NTRK1: variants seen among roughly 807,000 people sequenced by gnomAD.
NTRK1 encodes the protein neurotrophic receptor tyrosine kinase 1.
Under a neutral mutation model 86.8 loss-of-function variants are expected in NTRK1, and 62 were observed. The observed-to-expected ratio is 0.71, with a 90% CI of 0.58 to 0.88. NTRK1 has a LOEUF of 0.88. Among genes scored for constraint, NTRK1 ranks in the 40% least tolerant of loss-of-function variants. NTRK1 has a pLI of 0.00. For synonymous variants in NTRK1, 469 were observed against 456.6 expected, an observed-to-expected ratio of 1.03 and a Z score of -0.35; for missense variants, 967 against 1,078.4, an observed-to-expected ratio of 0.90 and a Z score of 1.45.
chr1:156,824,480 G>T (rs929913069), intron 1 of NTRK1, among the ~76,000 whole-genome samples: 1 of 152,150 alleles, frequency 6.6e-6, no homozygotes, highest in Non-Finnish European at 1.5e-5. Flanking sequence ...TTACTTATGT[G>T]TTCTGAACCA....
upstream of NTRK1, among the ~76,000 whole-genome samples, chr1:156,857,157 CTGTGTA>C (rs1360134897): frequency 6.8e-3 from 823 of 121,286 alleles, 2 homozygotes; most frequent in South Asian, 9.7e-3. Flanking sequence ...TGCCCAGCAG[CTGTGTA>C]TGTGTGTGTG....
chr1:156,852,686 C>T (rs1018061408), intron 2 of NTRK1, among the ~76,000 whole-genome samples: 7 of 152,220 alleles, frequency 4.6e-5, no homozygotes, highest in Non-Finnish European at 7.3e-5. Context: ...CTCCAAGCAG[C>T]AGTGGGAGGG....
chr1:156,855,829 T>A (rs1408873696), upstream of NTRK1, among the ~76,000 whole-genome samples: 1 of 152,026 alleles, frequency 6.6e-6, no homozygotes, highest in Non-Finnish European at 1.5e-5. Flanking sequence ...TGTCTAAAAA[T>A]AATTATAATA....
intron 1 of NTRK1, chr1:156,815,986 C>A (rs149790796): frequency 1.3e-3 from 2,099 of 1,611,952 alleles, no homozygotes; most frequent in Non-Finnish European, 1.5e-3. Context: ...ACCACGCTGC[C>A]GCCCCAGGTT....
At chr1:156,845,556 CAAG>C in intron 2 of NTRK1, 1 of 1,442,840 alleles carries the variant, frequency 6.9e-7, no homozygotes, top group Non-Finnish European at 9.3e-7. Flanking sequence ...ACCCCTCCCG[CAAG>C]ACCCGCCCCT....
chr1:156,856,395 C>T (rs1655406159), upstream of NTRK1, among the ~76,000 whole-genome samples: 1 of 152,128 alleles, frequency 6.6e-6, no homozygotes, highest in African/African-American at 2.4e-5. Flanking sequence ...ATGCCTGTTC[C>T]CTGAATTAAT....
intron 2 of NTRK1, chr1:156,844,227 GCCCCA>G (rs1285524392): frequency 1.8e-5 from 29 of 1,613,970 alleles, no homozygotes; most frequent in Non-Finnish European, 2.5e-5. Flanking sequence ...AGCAGCGTGA[GCCCCA>G]CAGGGGTGGC....
chr1:156,832,074 G>A lies in NTRK1; in HGVS notation c.-63-10007G>A, dbSNP rs1013799070. On this transcript the variant is annotated intron_variant, in intron 1 of 16. Coordinates refer to the NTRK1 transcript ENST00000392302. ...ATGGTGGATTTTCCATTTGACGGGCGACTTCACCTGAGGATTGGAGAAGTA... is the reference window on the plus strand; with the variant it reads ...ATGGTGGATTTTCCATTTGACGGGCAACTTCACCTGAGGATTGGAGAAGTA... 7.2e-5 allele frequency among the ~76,000 whole-genome samples: 11 copies of A among 152,208 alleles called. 1 individual carries two copies. The highest frequency in any genetic ancestry group is 6.5e-4 in the Admixed American group (10 of 15,280).
At chr1:156,841,104 C>A in intron 1 of NTRK1, 1 of 1,556,570 alleles carries the variant, frequency 6.4e-7, no homozygotes, top group Non-Finnish European at 8.7e-7. Flanking sequence ...TCAGCTCCTG[C>A]CTGGTGGGTG....
rs1655355038 is a variant in NTRK1, at chr1:156,854,926, C to T, written c.51-9428C>T. On this transcript the variant is annotated intron_variant, in intron 2 of 16. Coordinates refer to the NTRK1 transcript ENST00000392302. This position sits in a 1 kb window ranked among gnomAD's most constrained non-coding sequence, Gnocchi z 4.2. ...TCTTACTACAGCCTACAGGGCCCTG[C>T]ACAGTTTGAGCCCTTGTAGCCTCTC... is the stretch of plus-strand genomic sequence containing the variant. Among the ~76,000 whole-genome samples the T allele has an allele frequency of 6.6e-6, 1 of 152,170 alleles. No individual in the cohort carries two copies. Among genetic ancestry groups the T allele is most frequent in the Non-Finnish European group, 1.5e-5 (1 of 68,028 alleles).
At chr1:156,842,057 T>C (rs1654812473) in intron 1 of NTRK1, 1 of 1,608,558 alleles carries the variant, frequency 6.2e-7, no homozygotes, top group African/African-American at 1.3e-5. Context: ...ATGCCTAGCT[T>C]AAGGGAGTCT....
At chr1:156,865,404 C>A (rs1655881617) in intron 3 of NTRK1, among the ~76,000 whole-genome samples, 1 of 152,208 alleles carries the variant, frequency 6.6e-6, no homozygotes, top group South Asian at 2.1e-4. Flanking sequence ...AAGGAGCACA[C>A]AACCTAGATC....
intron 2 of NTRK1, chr1:156,844,759 T>TC: frequency 6.2e-7 from 1 of 1,613,852 alleles, no homozygotes; most frequent in Non-Finnish European, 8.5e-7. Context: ...TCCGTTGGGG[T>TC]CTGGTGGCTC....
chr1:156,876,899 C>A (rs1171138403), intron 14 of NTRK1, among the ~76,000 whole-genome samples: 1 of 152,196 alleles, frequency 6.6e-6, no homozygotes, highest in Non-Finnish European at 1.5e-5. Flanking sequence ...GTAAGGGTAG[C>A]AGTTTAGATA....
At chr1:156,843,492 G>A in intron 2 of NTRK1, 5 of 1,614,116 alleles carry the variant, frequency 3.1e-6, no homozygotes, top group East Asian at 2.2e-5. Context: ...GCAACGGGAG[G>A]TGAGGGGGTC....
chr1:156,846,514 C>G, intron 2 of NTRK1: 2 of 1,610,748 alleles, frequency 1.2e-6, no homozygotes, highest in Non-Finnish European at 1.7e-6. Context: ...CCTCCAAATG[C>G]CTACCTGCAG....
chr1:156,851,024 G>A (rs947367549), intron 2 of NTRK1, among the ~76,000 whole-genome samples: 1 of 152,138 alleles, frequency 6.6e-6, no homozygotes, highest in African/African-American at 2.4e-5. Flanking sequence ...AATTTATATT[G>A]TATATACTGT....
chr1:156,875,190 G>A (rs189074457), intron 11 of NTRK1, among the ~76,000 whole-genome samples, 182 bp downstream of exon 11: 22 of 152,058 alleles, frequency 1.4e-4, no homozygotes, highest in African/African-American at 4.6e-4. Context: ...GTGTGGGAGC[G>A]TGTGTCGGGC....
chr1:156,838,527 A>G (rs1350517500), intron 1 of NTRK1, among the ~76,000 whole-genome samples: 1 of 152,200 alleles, frequency 6.6e-6, no homozygotes, highest in Non-Finnish European at 1.5e-5. Flanking sequence ...TCTGTCTGCA[A>G]CTGTCTCTCA....
Sources: gnomAD v4.1 joint callset for allele counts (sites outside exome capture counted in the v4.1 genomes callset) on GRCh38, gnomAD v4.1.1 for gene constraint, Gnocchi (gnomAD v3.1) non-coding constraint, MANE v1.5 for transcripts, NCBI Gene and HGNC (gene_info 2026-07-23, HGNC 2026-07-21) for gene names.